FAT3: variants seen among roughly 807,000 people sequenced by gnomAD.
FAT3 encodes FAT atypical cadherin 3, also known as protocadherin Fat 3.
FAT3 carries 95 observed loss-of-function variants against 310.2 expected under a neutral mutation model. The observed-to-expected ratio is 0.31, with a 90% confidence interval of 0.26 to 0.36. FAT3 has a LOEUF of 0.36. Ranked by LOEUF, FAT3 falls within the 10% of genes least tolerant of loss-of-function variation. FAT3 has a pLI of 1.00. For missense variants in FAT3, 5,408 were observed against 5,715.6 expected (o/e 0.95, Z 1.74); for synonymous variants, 2,314 against 2,192.9 (o/e 1.06, Z -1.54).
intron 4 of FAT3, chr11:92,748,685 G>A (rs567025218): frequency 1.3e-5 from 2 of 152,186 alleles, no homozygotes; most frequent in Non-Finnish European, 2.9e-5. Flanking sequence ...AGAGTGGGGA[G>A]TGACTGGAAC....
intron 22 of FAT3, among the ~76,000 whole-genome samples, chr11:92,876,399 A>C (rs948234906): frequency 3.3e-5 from 5 of 152,224 alleles, no homozygotes; most frequent in African/African-American, 1.2e-4. Flanking sequence ...CAAAATGAAA[A>C]AAATAACCCC....
intron 1 of FAT3, among the ~76,000 whole-genome samples, chr11:92,311,169 C>A (rs192752886): frequency 1.1e-4 from 16 of 151,900 alleles, no homozygotes; most frequent in Non-Finnish European, 1.8e-4. Context: ...TGTTATCTCT[C>A]GGAAAAATGT....
At chr11:92,463,977 A>G (rs1436915899) in intron 2 of FAT3, among the ~76,000 whole-genome samples, 2 of 152,220 alleles carry the variant, frequency 1.3e-5, no homozygotes, top group African/African-American at 4.8e-5. Flanking sequence ...AATGTTGGAT[A>G]CTAAGCACCT....
At chr11:92,630,239 G>A (rs980881140) in intron 3 of FAT3, among the ~76,000 whole-genome samples, 1 of 152,114 alleles carries the variant, frequency 6.6e-6, no homozygotes, top group Non-Finnish European at 1.5e-5. Context: ...CTGTGACACT[G>A]TGCTCTCTTA....
rs368909923 is a variant in FAT3, at chr11:92,585,536, A to G, written c.3607+60588A>G. Reference sequence around the variant, plus strand: ...GATAAGTTAGAAAAGTAAACATTCAATTATTCCTACAAAGCACCGGTGCAG... The same window carrying G: ...GATAAGTTAGAAAAGTAAACATTCAGTTATTCCTACAAAGCACCGGTGCAG... On this transcript the variant is annotated intron_variant, in intron 3 of 27. Transcript: ENST00000525166. Among the ~76,000 whole-genome samples the G allele has an allele frequency of 5.8e-4, 88 of 152,176 alleles. 2 individuals are homozygous for G. In the South Asian group the frequency reaches 0.012, roughly 21 times the overall value.
intron 3 of FAT3, among the ~76,000 whole-genome samples, chr11:92,659,994 G>T (rs756559116): frequency 6.6e-6 from 1 of 152,160 alleles, no homozygotes; most frequent in Non-Finnish European, 1.5e-5. Context: ...TTAGCCAAAT[G>T]TTGAGAATAT....
chr11:92,400,090 G>A (rs1949977373), intron 2 of FAT3: 1 of 152,188 alleles, frequency 6.6e-6, no homozygotes, highest in South Asian at 2.1e-4. Flanking sequence ...ACACTTCGCA[G>A]TGGAGTAGCT....
At chr11:92,674,388 G>A (rs1245107833) in intron 3 of FAT3, among the ~76,000 whole-genome samples, 1 of 151,656 alleles carries the variant, frequency 6.6e-6, no homozygotes, top group Admixed American at 6.6e-5. Flanking sequence ...GGAAAGCATG[G>A]ATTTTAGTGC....
At position 92,889,903 on chromosome 11, in the gene FAT3, G is replaced by T; in HGVS notation, c.13147+12G>T. ...GAACTACAACCGAGGTGACTGTGCCGCAACCCTAGCATAACTTTTTGTGTG... is the reference window on the plus strand; with the variant it reads ...GAACTACAACCGAGGTGACTGTGCCTCAACCCTAGCATAACTTTTTGTGTG... On this transcript the variant is annotated intron_variant, in intron 27 of 27. Coordinates refer to ENST00000525166, the MANE Select transcript of FAT3 (RefSeq NM_001367949.2). 1.4e-6 allele frequency: 1 copy of T among 718,036 alleles called. No homozygotes were observed. Among genetic ancestry groups the T allele is most frequent in the Non-Finnish European group, 2.6e-6 (1 of 385,208 alleles). The allele number at this position is 718,036 out of a possible 1,614,324, so 44.5% of individuals were successfully genotyped here. A position where few individuals can be genotyped will look rare whatever the true frequency, so the allele number is the denominator to read the frequency against.
Position 92,560,036 on chromosome 11 carries a change from C to G in FAT3, c.3607+35088C>G, listed in dbSNP as rs571862611. Among the ~76,000 whole-genome samples, 6 of 152,330 alleles carry G rather than the reference C, an allele frequency of 3.9e-5. No individual in the cohort carries two copies. In the South Asian group the frequency reaches 1.2e-3, roughly 32 times the overall value. Reference sequence around the variant, plus strand: ...TTTAATTTTTTGAGGAACCTCCCTACTGGTTTCCAAAGTGGCTGCACCATT... The same window carrying G: ...TTTAATTTTTTGAGGAACCTCCCTAGTGGTTTCCAAAGTGGCTGCACCATT... On this transcript the variant is annotated intron_variant, in intron 3 of 27. Coordinates refer to ENST00000525166, the MANE Select transcript of FAT3 (RefSeq NM_001367949.2).
At chr11:92,775,418 G>T (rs1238785792) in intron 7 of FAT3, among the ~76,000 whole-genome samples, 1 of 152,098 alleles carries the variant, frequency 6.6e-6, no homozygotes, top group Non-Finnish European at 1.5e-5. Context: ...AAACAATAGG[G>T]TTCACTTTAG....
intron 22 of FAT3, among the ~76,000 whole-genome samples, chr11:92,879,739 G>C (rs1949629839): frequency 1.3e-5 from 2 of 152,080 alleles, no homozygotes; most frequent in Admixed American, 1.3e-4. Context: ...AAAAAGCATA[G>C]TGGAAAGCTA....
chr11:92,355,753 T>G (rs1283191354), intron 2 of FAT3, among the ~76,000 whole-genome samples: 1 of 152,250 alleles, frequency 6.6e-6, no homozygotes. Flanking sequence ...TAAAGTAAAT[T>G]ACATTTGAAT....
At chr11:92,755,888 C>T (rs961024351) in intron 4 of FAT3, among the ~76,000 whole-genome samples, 1 of 151,940 alleles carries the variant, frequency 6.6e-6, no homozygotes. Flanking sequence ...TCCCAGTTTG[C>T]CTAAAAAAGA....
intron 21 of FAT3, among the ~76,000 whole-genome samples, chr11:92,861,486 C>T (rs954721448): frequency 3.3e-5 from 5 of 152,120 alleles, no homozygotes; most frequent in Admixed American, 3.3e-4. Context: ...ATGAAACAAG[C>T]ATGTTTCTGA....
At chr11:92,559,712 G>T in intron 3 of FAT3, 1 of 156,604 alleles carries the variant, frequency 6.4e-6, no homozygotes, top group Non-Finnish European at 1.4e-5. Context: ...TCATGTAAGT[G>T]GAATCACGTA....
chr11:92,678,691 G>C (rs1397151715), intron 3 of FAT3, among the ~76,000 whole-genome samples: 1 of 152,050 alleles, frequency 6.6e-6, no homozygotes, highest in East Asian at 1.9e-4. Flanking sequence ...GAGCTCTAAG[G>C]CTTTCTTAAA....
intron 24 of FAT3, 94 bp from the exon 25 acceptor site, chr11:92,886,906 C>T (rs540662264): frequency 5.1e-6 from 5 of 973,222 alleles, no homozygotes; most frequent in African/African-American, 3.3e-5. Context: ...GAAAGTGCCT[C>T]GAGAAGTGAA....
At chr11:92,786,287 A>G (rs1946892089) in intron 7 of FAT3, among the ~76,000 whole-genome samples, 2 of 152,166 alleles carry the variant, frequency 1.3e-5, no homozygotes, top group African/African-American at 4.8e-5. Context: ...ACAATAAGGA[A>G]AAAGATTGAT....
Sources: allele counts gnomAD v4.1 joint callset (sites outside exome capture counted in the v4.1 genomes callset), GRCh38; gene constraint gnomAD v4.1.1; transcripts MANE v1.5; gene names NCBI Gene and HGNC (gene_info 2026-07-23, HGNC 2026-07-21).